ADGRE5: variants seen among roughly 807,000 people sequenced by gnomAD.
ADGRE5 encodes the protein adhesion G protein-coupled receptor E5.
ADGRE5 carries 72 observed loss-of-function variants against 100.3 expected under a neutral mutation model. That is an observed-to-expected ratio of 0.72 (90% CI 0.59 to 0.87). The LOEUF is 0.87. ADGRE5 is among the 40% of genes least tolerant of loss of function. ADGRE5 has a pLI of 0.00. For synonymous variants in ADGRE5, 439 were observed against 447.8 expected, an observed-to-expected ratio of 0.98 and a Z score of 0.25; for missense variants, 959 against 1,094.7, an observed-to-expected ratio of 0.88 and a Z score of 1.75.
At chr19:14,389,181 G>A (rs1975472115) in intron 3 of ADGRE5, among the ~76,000 whole-genome samples, 1 of 94,742 alleles carries the variant, frequency 1.1e-5, no homozygotes, top group Non-Finnish European at 2.2e-5. Flanking sequence ...GAGAGGGGGA[G>A]AGGAAGGGGA....
At chr19:14,383,031 C>T (rs554911485) in intron 1 of ADGRE5, among the ~76,000 whole-genome samples, 5 of 152,146 alleles carry the variant, frequency 3.3e-5, no homozygotes, top group Non-Finnish European at 7.4e-5. Context: ...CCACCGCGCC[C>T]AGCCAAAAAA....
In ADGRE5 at chr19:14,398,520, A is replaced by G. The variant is rs1048977682; in HGVS notation, c.897+381A>G. On this transcript the variant is annotated intron_variant, in intron 9 of 19. Coordinates refer to ENST00000242786, the MANE Select transcript of ADGRE5 (RefSeq NM_078481.4). ...CCCGTCTCTACTAACAATACAAAAA[A>G]AAAAATTAGCTGGGTGTGGTGGCGG... is the stretch of plus-strand genomic sequence containing the variant. Among the ~76,000 whole-genome samples the G allele has an allele frequency of 2.0e-5, 3 of 152,032 alleles. 1 individual carries two copies. In the South Asian group the frequency reaches 6.2e-4, roughly 32 times the overall value.
intron 18 of ADGRE5, 150 bp downstream of exon 18, chr19:14,407,379 G>A: frequency 1.1e-6 from 1 of 894,426 alleles, no homozygotes; most frequent in Non-Finnish European, 1.7e-6. Flanking sequence ...AAGATAGCCA[G>A]GGTGAGGCGC....
At chr19:14,391,115 A>G in intron 4 of ADGRE5, 36 bp downstream of exon 4, 1 of 1,613,138 alleles carries the variant, frequency 6.2e-7, no homozygotes, top group Non-Finnish European at 8.5e-7. Flanking sequence ...CTTTCCATCC[A>G]TGAGGTTTGG....
In ADGRE5 at chr19:14,397,196, A is replaced by G; in HGVS notation, c.598A>G (p.Asn200Asp). Residue 200 changes from asparagine (N) to aspartate (D), a missense_variant, in exon 6 of 20, where the codon AAT becomes GAT. By Grantham distance (23) the Asn-to-Asp change is conservative. Transcript: ENST00000242786. ...PGWQPIPGSP[N>D]GPNNTVCEDV... ...CTGGCAACCGATTCCGGGGTCCCCCAATGGCCCAAACAATACCGTCTGTGA... is the reference window on the plus strand; with the variant it reads ...CTGGCAACCGATTCCGGGGTCCCCCGATGGCCCAAACAATACCGTCTGTGA... 2 of 1,614,088 alleles carry G rather than the reference A, an allele frequency of 1.2e-6. No individual in the cohort carries two copies. Among genetic ancestry groups the G allele is most frequent in the African/African-American group, 1.3e-5 (1 of 75,018 alleles).
At position 14,395,327 on chromosome 19, in the gene ADGRE5, G is replaced by A. The variant is rs145772648; in HGVS notation, c.347-1015G>A. Among the ~76,000 whole-genome samples the A allele has an allele frequency of 6.3e-4, 94 of 149,402 alleles. 1 individual carries two copies. The highest frequency in any genetic ancestry group is 2.0e-3 in the African/African-American group (79 of 40,178). On this transcript the variant is annotated intron_variant, in intron 4 of 19. Coordinates refer to ENST00000242786, the MANE Select transcript of ADGRE5 (RefSeq NM_078481.4). ...AAAAAAAAAAAAAAAAAACAAAAAC[G>A]CACTCAGAGGGTTGGATGAAGGAGG...
intron 9 of ADGRE5, among the ~76,000 whole-genome samples, chr19:14,400,273 G>T (rs911286506): frequency 6.6e-6 from 1 of 151,824 alleles, no homozygotes; most frequent in South Asian, 2.1e-4. Flanking sequence ...ACCCACCTTG[G>T]CCTCCCAAAG....
intron 5 of ADGRE5, 110 bp downstream of exon 5, chr19:14,396,583 A>G: frequency 6.6e-7 from 1 of 1,510,692 alleles, no homozygotes; most frequent in South Asian, 1.3e-5. Context: ...GGTTCCCACA[A>G]GGTCAAGGAC....
chr19:14,388,551 G>C, intron 2 of ADGRE5, 51 bp downstream of exon 2: 5 of 1,571,856 alleles, frequency 3.2e-6, no homozygotes, highest in Non-Finnish European at 4.3e-6. Flanking sequence ...AGCCTGGGGA[G>C]GGTCCTGGAC....
In ADGRE5 at chr19:14,406,361, C is replaced by A; in HGVS notation, c.1852C>A (p.Leu618Met). 6.3e-7 allele frequency: 1 copy of A among 1,580,764 alleles called. No homozygotes were observed. Among genetic ancestry groups the A allele is most frequent in the Non-Finnish European group, 8.6e-7 (1 of 1,165,136 alleles). ...VGLRCRLVAG[L>M]LHYCFLAAFC... ...GCTGCGCTGCCGCCTGGTGGCCGGG[C>A]TGCTGCACTACTGTTTCCTGGCCGC... The change falls in exon 15 of 20, where the codon CTG becomes ATG. Residue 618 changes from leucine (L) to methionine (M), a missense_variant. Leu to Met is a conservative substitution (Grantham distance 15). Transcript: ENST00000242786. This position sits in a 1 kb window ranked among gnomAD's most constrained non-coding sequence, Gnocchi z 6.0.
chr19:14,405,814 ATCC>A lies in ADGRE5; in HGVS notation c.1699_1701del (p.Leu567del). 6.2e-7 allele frequency: 1 copy of A among 1,613,872 alleles called. No homozygotes were observed. The highest frequency in any genetic ancestry group is 8.5e-7 in the Non-Finnish European group (1 of 1,179,994). ...GTCACTCTTCTGCCTGCTGCTGTGCATCCTCACTTTCCTGCTGGTGCGGCCCAT... is the reference window on the plus strand; with the variant it reads ...GTCACTCTTCTGCCTGCTGCTGTGCATCACTTTCCTGCTGGTGCGGCCCAT... On this transcript the variant is annotated inframe_deletion, in exon 14 of 20. Coordinates refer to ENST00000242786, the MANE Select transcript of ADGRE5 (RefSeq NM_078481.4).
chr19:14,402,667 G>C lies in ADGRE5; in HGVS notation c.1254G>C (p.Leu418=). Residue 418 remains leucine (L), a synonymous_variant, in exon 12 of 20, where the codon CTG becomes CTC. Coordinates refer to ENST00000242786, the MANE Select transcript of ADGRE5 (RefSeq NM_078481.4). ...TGCTGGCCAATGCCTCCTTGAACCT[G>C]CATTCCAAGAAGCAAGCCGAACTGG... ...TTLLANASLN[L]HSKKQAELEE... is the part of the protein sequence containing the mutation. The C allele has an allele frequency of 6.2e-7, 1 of 1,614,102 alleles. No homozygotes were observed. Among genetic ancestry groups the C allele is most frequent in the East Asian group, 2.2e-5 (1 of 44,882 alleles).
chr19:14,405,808 C>G lies in ADGRE5; in HGVS notation c.1690C>G (p.Leu564Val), dbSNP rs1976202446. ...GGCGCTGTCACTCTTCTGCCTGCTGCTGTGCATCCTCACTTTCCTGCTGGT... is the reference window on the plus strand; with the variant it reads ...GGCGCTGTCACTCTTCTGCCTGCTGGTGTGCATCCTCACTTTCCTGCTGGT... ...GLALSLFCLL[L>V]CILTFLLVRP... The change falls in exon 14 of 20, where the codon CTG (leucine) becomes GTG (valine). Residue 564 changes from leucine to valine, a missense_variant. Physicochemically the swap from Leu to Val is conservative, Grantham distance 32. Coordinates refer to ENST00000242786, the MANE Select transcript of ADGRE5 (RefSeq NM_078481.4). The G allele has an allele frequency of 6.2e-7, 1 of 1,613,774 alleles. No homozygotes were observed. Among genetic ancestry groups the G allele is most frequent in the African/African-American group, 1.3e-5 (1 of 74,946 alleles).
In ADGRE5 at chr19:14,406,699, G is replaced by C. The variant is rs998070670; in HGVS notation, c.2049-1G>C. On this transcript the variant is annotated splice_acceptor_variant, in intron 15 of 19. Transcript: ENST00000242786. LOFTEE classifies it high-confidence loss of function. This position sits in a 1 kb window ranked among gnomAD's most constrained non-coding sequence, Gnocchi z 6.0. ...GATGGGACCCCTCCCTTCCCTCCTA[G>C]CTGCTGGTTGGACTTTGAGCAGGGC... 6.2e-7 allele frequency: 1 copy of C among 1,614,116 alleles called. No individual in the cohort carries two copies. The highest frequency in any genetic ancestry group is 8.5e-7 in the Non-Finnish European group (1 of 1,180,016).
chr19:14,406,549 C>T lies in ADGRE5; in HGVS notation c.2040C>T (p.Arg680=). Residue 680 remains arginine (R), a synonymous_variant, in exon 15 of 20, where the codon CGC becomes CGT. Transcript: ENST00000242786. The surrounding 1 kb of genome is among the most constrained non-coding windows in gnomAD (Gnocchi z 6.0). ...CCATCTACAGCAAGGGCTACGGCCG[C>T]CCCAGATAGTGAGTGCAGCGAGATG... ...SAAIYSKGYG[R]PRYCWLDFEQ... 1 of 1,591,110 alleles carries T rather than the reference C, an allele frequency of 6.3e-7. No homozygotes were observed. The highest frequency in any genetic ancestry group is 8.6e-7 in the Non-Finnish European group (1 of 1,169,394).
At position 14,407,923 on chromosome 19, in the gene ADGRE5, C is replaced by T. The variant is rs1051926538; in HGVS notation, c.2392C>T (p.Arg798Trp). ...LLNKKVREEY[R>W]KWACLVAGGS... Reference sequence around the variant, plus strand: ...GGGCCGGCAGGTTCGGGAAGAATACCGGAAGTGGGCCTGCCTAGTTGCTGG... The same window carrying T: ...GGGCCGGCAGGTTCGGGAAGAATACTGGAAGTGGGCCTGCCTAGTTGCTGG... The change falls in exon 19 of 20, where the codon CGG becomes TGG. Residue 798 changes from arginine (R) to tryptophan (W), a missense_variant. Arg to Trp is a moderately radical substitution (Grantham distance 101). Around this residue, in one of 6 missense-constraint regions of ADGRE5, gnomAD observed 428 missense variants for 386.2 expected, o/e 1.11. Transcript: ENST00000242786. 7.6e-5 allele frequency: 123 copies of T among 1,613,910 alleles called. No individual in the cohort carries two copies. The highest frequency in any genetic ancestry group is 1.2e-4 in the African/African-American group (9 of 74,924).
chr19:14,393,133 G>A (rs182173820), intron 4 of ADGRE5, among the ~76,000 whole-genome samples: 7 of 151,314 alleles, frequency 4.6e-5, no homozygotes, highest in Non-Finnish European at 7.4e-5. Flanking sequence ...CCCGGGAGGC[G>A]GAGGTTGCAG....
rs761930050 is a variant in ADGRE5 at position 14,407,134 on chromosome 19, G to C, written c.2281G>C (p.Asp761His). ...CTWVFGLFIF[D>H]DRSLVLTYVF... The stretch of plus-strand genomic sequence containing the variant: ...CTGGGTCTTTGGCCTGTTCATCTTC[G>C]ACGATCGGAGCTTGGTGCTGACCTA... The change falls in exon 18 of 20, where the codon GAC (aspartate) becomes CAC (histidine). Residue 761 changes from aspartate to histidine, a missense_variant. Coordinates refer to ENST00000242786, the MANE Select transcript of ADGRE5 (RefSeq NM_078481.4). The C allele has an allele frequency of 5.6e-6, 9 of 1,614,158 alleles. No individual in the cohort carries two copies. Among genetic ancestry groups the C allele is most frequent in the Admixed American group, 3.3e-5 (2 of 60,026 alleles).
intron 12 of ADGRE5, among the ~76,000 whole-genome samples, chr19:14,403,743 C>G (rs993390353): frequency 6.6e-6 from 1 of 152,116 alleles, no homozygotes; most frequent in African/African-American, 2.4e-5. Flanking sequence ...ATCCTCCCAC[C>G]TTGGCCTCCC....
Sources: gnomAD v4.1 joint callset for allele counts (sites outside exome capture counted in the v4.1 genomes callset) on GRCh38, gnomAD v4.1.1 for gene constraint, gnomAD v4.1.1 regional missense constraint, Gnocchi (gnomAD v3.1) non-coding constraint, MANE v1.5 for transcripts, NCBI Gene and HGNC (gene_info 2026-07-23, HGNC 2026-07-21) for gene names.